The following ZNF71 variants were observed in gnomAD, a reference collection of about 807,000 sequenced individuals.
The protein encoded by ZNF71 is zinc finger protein 71.
Under a neutral mutation model 6.7 loss-of-function variants are expected in ZNF71, and 3 were observed. That is an observed-to-expected ratio of 0.45 (90% CI 0.20 to 1.16). The LOEUF is 1.16. ZNF71 is among the 50% of genes most tolerant of loss of function. ZNF71 has a pLI of 0.25. For synonymous variants in ZNF71, 343 were observed against 311.1 expected (o/e 1.10, Z -1.08); for missense variants, 688 against 728.6 (o/e 0.94, Z 0.64).
intron 2 of ZNF71, among the ~76,000 whole-genome samples, chr19:56,606,788 C>T (rs550258047): frequency 8.9e-4 from 136 of 151,972 alleles, no homozygotes; most frequent in Admixed American, 1.4e-3. Context: ...TCTCCCAGAG[C>T]AAGTGTTCCA....
intron 3 of ZNF71, among the ~76,000 whole-genome samples, chr19:56,615,359 C>T (rs1248499849): frequency 6.6e-6 from 1 of 152,210 alleles, no homozygotes; most frequent in African/African-American, 2.4e-5. Flanking sequence ...GCACAAGCTT[C>T]ATTCTAATTG....
In ZNF71 at chr19:56,603,310, G is replaced by T. The variant is rs2044685235; in HGVS notation, c.33+1719G>T. Among the ~76,000 whole-genome samples the T allele has an allele frequency of 6.6e-6, 1 of 152,160 alleles. No homozygotes were observed. On this transcript the variant is annotated intron_variant, in intron 2 of 3. Transcript: ENST00000599599. The surrounding 1 kb of genome is among the most constrained non-coding windows in gnomAD (Gnocchi z 4.6). The stretch of plus-strand genomic sequence containing the variant: ...CTGTTCTGGACATTTCAAATAAATG[G>T]AATCATACATGGTGTGGTCTTTTGT...
At chr19:56,604,322 G>A (rs1235331110) in intron 2 of ZNF71, among the ~76,000 whole-genome samples, 1 of 152,056 alleles carries the variant, frequency 6.6e-6, no homozygotes, top group Non-Finnish European at 1.5e-5. Context: ...CAATCAAGTA[G>A]TTTAAATTTT....
rs1345015138 is a variant in ZNF71, at chr19:56,598,760, G to T, written c.-52-2747G>T. Among the ~76,000 whole-genome samples the T allele has an allele frequency of 6.6e-6, 1 of 152,208 alleles. No individual in the cohort carries two copies. The highest frequency in any genetic ancestry group is 1.5e-5 in the Non-Finnish European group (1 of 68,044). On this transcript the variant is annotated intron_variant, in intron 1 of 3. Coordinates refer to ENST00000599599, the MANE Select transcript of ZNF71 (RefSeq NM_001370215.1). The surrounding 1 kb of genome is among the most constrained non-coding windows in gnomAD (Gnocchi z 4.2). ...GACAAATGTCTCCGGGGGCAGAATT[G>T]TTCCCGATTGAGTTCCAAAGGCTTC...
At chr19:56,604,923 T>TA in intron 2 of ZNF71, among the ~76,000 whole-genome samples, 4 of 152,322 alleles carry the variant, frequency 2.6e-5, no homozygotes, top group Non-Finnish European at 5.9e-5. Context: ...TGCTATGCAT[T>TA]ACCATTCTGA....
intron 1 of ZNF71, among the ~76,000 whole-genome samples, chr19:56,599,829 G>T (rs1198475046): frequency 2.0e-5 from 3 of 151,474 alleles, no homozygotes; most frequent in Admixed American, 2.0e-4. Flanking sequence ...GAGTAGCTGG[G>T]ATTACAGGCA....
chr19:56,623,907 C>T lies in ZNF71; in HGVS notation c.*1150C>T, dbSNP rs1010334360. 6.0e-6 allele frequency: 1 copy of T among 167,060 alleles called. No homozygotes were observed. The highest frequency in any genetic ancestry group is 2.4e-5 in the African/African-American group (1 of 41,442). The allele number at this position is 167,060 out of a possible 1,614,324, so 10.3% of individuals were successfully genotyped here. On this transcript the variant is annotated 3_prime_UTR_variant, in exon 4 of 4. Transcript: ENST00000599599. ...ACCTCATGACCTCCCAAAGGTCCTC[C>T]CTCTTCATACTGTTACATTGGGGAT...
At chr19:56,604,034 C>G (rs2044691348) in intron 2 of ZNF71, among the ~76,000 whole-genome samples, 1 of 152,176 alleles carries the variant, frequency 6.6e-6, no homozygotes, top group Admixed American at 6.5e-5. Flanking sequence ...TGTCTCAGCA[C>G]AACCCTGGTG....
chr19:56,610,239 A>G (rs1302879657), intron 2 of ZNF71: 1 of 152,238 alleles, frequency 6.6e-6, no homozygotes, highest in Non-Finnish European at 1.5e-5. Context: ...ACCATTTTAC[A>G]TCCCCACCAG....
intron 2 of ZNF71, among the ~76,000 whole-genome samples, chr19:56,602,704 C>CT (rs1187236389): frequency 2.0e-5 from 3 of 152,212 alleles, no homozygotes; most frequent in Non-Finnish European, 4.4e-5. Flanking sequence ...CTACAGGAAT[C>CT]TGAGTATGCT....
At chr19:56,608,465 G>A (rs901437571) in intron 2 of ZNF71, among the ~76,000 whole-genome samples, 7 of 151,932 alleles carry the variant, frequency 4.6e-5, no homozygotes, top group East Asian at 1.9e-4. Flanking sequence ...TTTTAAAGGC[G>A]GAATAATATC....
At chr19:56,604,990 C>T (rs1356379667) in intron 2 of ZNF71, among the ~76,000 whole-genome samples, 1 of 152,198 alleles carries the variant, frequency 6.6e-6, no homozygotes, top group African/African-American at 2.4e-5. Context: ...AGCTTTCTTG[C>T]CCCATCAAAG....
intron 1 of ZNF71, among the ~76,000 whole-genome samples, chr19:56,597,309 AT>A (rs533287895): frequency 4.6e-5 from 7 of 151,828 alleles, no homozygotes; most frequent in Non-Finnish European, 7.4e-5. Context: ...TCTGCAAGGA[AT>A]TTTTTTTTAT....
intron 3 of ZNF71, among the ~76,000 whole-genome samples, chr19:56,615,502 G>C (rs373562203): frequency 1.1e-3 from 163 of 149,926 alleles, no homozygotes; most frequent in African/African-American, 3.9e-3. Flanking sequence ...CTTTTCCTGC[G>C]CTTATTTGAT....
intron 3 of ZNF71, among the ~76,000 whole-genome samples, chr19:56,620,780 A>G (rs1373141085): frequency 1.3e-5 from 2 of 152,134 alleles, no homozygotes; most frequent in African/African-American, 4.8e-5. Context: ...TCCTTGCCTC[A>G]GCCTCCCAAA....
rs2044813366 is a variant in ZNF71, at chr19:56,618,287, A to G, written c.161-2981A>G. Among the ~76,000 whole-genome samples, 1 of 152,146 alleles carries G rather than the reference A, an allele frequency of 6.6e-6. No individual in the cohort carries two copies. The highest frequency in any genetic ancestry group is 2.4e-5 in the African/African-American group (1 of 41,418). ...TCCATTCTTGTATCTCCGTTTCCTCATCAGCAAAATGAGGATGGTCATAAC... is the reference window on the plus strand; with the variant it reads ...TCCATTCTTGTATCTCCGTTTCCTCGTCAGCAAAATGAGGATGGTCATAAC... On this transcript the variant is annotated intron_variant, in intron 3 of 3. Coordinates refer to ENST00000599599, the MANE Select transcript of ZNF71 (RefSeq NM_001370215.1). The surrounding 1 kb of genome is among the most constrained non-coding windows in gnomAD (Gnocchi z 4.6).
chr19:56,597,135 T>C (rs2044631959), intron 1 of ZNF71, among the ~76,000 whole-genome samples: 1 of 152,178 alleles, frequency 6.6e-6, no homozygotes, highest in African/African-American at 2.4e-5. Context: ...TTAGATATTT[T>C]CTTATGATTT....
At chr19:56,615,149 A>G (rs1459905051) in intron 3 of ZNF71, among the ~76,000 whole-genome samples, 1 of 152,184 alleles carries the variant, frequency 6.6e-6, no homozygotes, top group Non-Finnish European at 1.5e-5. Flanking sequence ...GGTGATCAAC[A>G]TTTGGGTCAT....
At chr19:56,611,071 C>G (rs2044748502) in intron 2 of ZNF71, among the ~76,000 whole-genome samples, 1 of 152,186 alleles carries the variant, frequency 6.6e-6, no homozygotes, top group African/African-American at 2.4e-5. Context: ...CCTGCTCAGA[C>G]CTTCCAAAGA....
Sources: allele counts gnomAD v4.1 joint callset (sites outside exome capture counted in the v4.1 genomes callset), GRCh38; gene constraint gnomAD v4.1.1; non-coding constraint Gnocchi (gnomAD v3.1); transcripts MANE v1.5; gene names NCBI Gene and HGNC (gene_info 2026-07-23, HGNC 2026-07-21).